Variants in ADCY5 observed in about 807,000 individuals in gnomAD.
ADCY5 encodes adenylate cyclase type 5.
A neutral mutation model predicts 119.7 loss-of-function variants in ADCY5; 30 were observed. The ratio of observed to expected loss-of-function variants is 0.25; its 90% CI spans 0.19 to 0.34. The LOEUF (loss-of-function observed/expected upper bound fraction) is 0.34, where lower values mean the gene tolerates loss of function less well. ADCY5 is among the 10% of genes least tolerant of loss of function. The pLI is 1.00. For missense variants in ADCY5, 1,324 were observed against 1,775.2 expected, an observed-to-expected ratio of 0.75 and a Z score of 4.57; for synonymous variants, 753 against 762.2, an observed-to-expected ratio of 0.99 and a Z score of 0.20.
intron 4 of ADCY5, among the ~76,000 whole-genome samples, 161 bp downstream of exon 4, chr3:123,332,403 C>T (rs1456554699): frequency 1.3e-5 from 2 of 152,252 alleles, no homozygotes; most frequent in African/African-American, 2.4e-5. Flanking sequence ...AGGACACAGC[C>T]GCAGCCTAAG....
At chr3:123,347,465 A>G (rs887794311) in intron 3 of ADCY5, among the ~76,000 whole-genome samples, 10 of 151,856 alleles carry the variant, frequency 6.6e-5, no homozygotes, top group African/African-American at 2.2e-4. Context: ...TATGCTTTCC[A>G]TCTCTCTTGG....
chr3:123,328,536 C>T, intron 6 of ADCY5, 108 bp downstream of exon 6: 1 of 1,367,284 alleles, frequency 7.3e-7, no homozygotes, highest in East Asian at 2.3e-5. Flanking sequence ...TGCTGCCCAT[C>T]CTGCCCACCC....
At chr3:123,389,516 A>G (rs1471956173) in intron 1 of ADCY5, among the ~76,000 whole-genome samples, 1 of 151,912 alleles carries the variant, frequency 6.6e-6, no homozygotes, top group South Asian at 2.1e-4. Context: ...AAGCACCCCC[A>G]CACCCCTGCT....
chr3:123,311,618 A>G (rs920323946), intron 12 of ADCY5, among the ~76,000 whole-genome samples: 1 of 152,306 alleles, frequency 6.6e-6, no homozygotes, highest in Admixed American at 6.5e-5. Flanking sequence ...AGGCCAGGAG[A>G]GGAGGCGGCG....
chr3:123,286,673 T>C lies in ADCY5; in HGVS notation c.3657+12A>G, dbSNP rs1165278051. 2 of 1,602,944 alleles carry C rather than the reference T, an allele frequency of 1.2e-6. No individual in the cohort carries two copies. Among genetic ancestry groups the C allele is most frequent in the African/African-American group, 2.7e-5 (2 of 74,674 alleles). ...CCATGGGGTGAGGGGTGGTGGATGCTCCTGCACTCACCTGGATGCGGTCGG... is the reference window on the plus strand; with the variant it reads ...CCATGGGGTGAGGGGTGGTGGATGCCCCTGCACTCACCTGGATGCGGTCGG... On this transcript the variant is annotated intron_variant, in intron 20 of 20. Coordinates refer to ENST00000462833, the MANE Select transcript of ADCY5 (RefSeq NM_183357.3). This position sits in a 1 kb window ranked among gnomAD's most constrained non-coding sequence, Gnocchi z 4.2.
intron 19 of ADCY5, 39 bp downstream of exon 19, chr3:123,289,711 C>G (rs753983302): frequency 6.2e-7 from 1 of 1,606,622 alleles, no homozygotes; most frequent in African/African-American, 1.3e-5. Flanking sequence ...CTCTGCCTGA[C>G]TGCACCCTGG....
At chr3:123,386,156 C>T (rs1944214853) in intron 1 of ADCY5, among the ~76,000 whole-genome samples, 1 of 152,224 alleles carries the variant, frequency 6.6e-6, no homozygotes, top group Non-Finnish European at 1.5e-5. Flanking sequence ...GAGCCCGAAG[C>T]AGCTCAGCTT....
chr3:123,421,532 C>T (rs948754694), intron 1 of ADCY5, among the ~76,000 whole-genome samples: 1 of 152,144 alleles, frequency 6.6e-6, no homozygotes, highest in African/African-American at 2.4e-5. Context: ...TCCACTATGA[C>T]CATCAGATTG....
intron 12 of ADCY5, among the ~76,000 whole-genome samples, chr3:123,310,679 G>C (rs770718936): frequency 6.6e-6 from 1 of 152,202 alleles, no homozygotes; most frequent in Non-Finnish European, 1.5e-5. Context: ...GGTTGGGTTC[G>C]TGCAGATGTG....
intron 1 of ADCY5, among the ~76,000 whole-genome samples, chr3:123,435,521 C>A (rs1478701686): frequency 6.6e-6 from 1 of 152,082 alleles, no homozygotes; most frequent in Non-Finnish European, 1.5e-5. Context: ...GCTGGCAGGC[C>A]CTTTAGTCAG....
At chr3:123,354,578 A>T (rs191275780) in intron 1 of ADCY5, among the ~76,000 whole-genome samples, 1 of 152,182 alleles carries the variant, frequency 6.6e-6, no homozygotes. Flanking sequence ...GAGGAAGTGA[A>T]GGCTGAGGGG....
chr3:123,448,155 G>A lies in ADCY5; in HGVS notation c.391C>T (p.Pro131Ser), dbSNP rs1458876352. ...GAASGGSTRA[P>S]PAGGGGGSAA... ...GAGCCGCCGCCGCCGCCCGCAGGGG[G>A]CGCCCGGGTGCTGCCCCCGCTGGCC... The change falls in exon 1 of 21, where the codon CCC becomes TCC. Residue 131 changes from proline (P) to serine (S), a missense_variant. Coordinates refer to ENST00000462833, the MANE Select transcript of ADCY5 (RefSeq NM_183357.3). The A allele has an allele frequency of 9.5e-6, 10 of 1,047,914 alleles. No homozygotes were observed. Among genetic ancestry groups the A allele is most frequent in the East Asian group, 7.7e-5 (1 of 13,058 alleles). 64.9% of individuals were successfully genotyped at this position (1,047,914 alleles called of 1,614,324 possible). A position where few individuals can be genotyped will look rare whatever the true frequency, so the allele number is the denominator to read the frequency against.
At chr3:123,409,121 G>A (rs1944981697) in intron 1 of ADCY5, among the ~76,000 whole-genome samples, 2 of 152,192 alleles carry the variant, frequency 1.3e-5, no homozygotes, top group Admixed American at 1.3e-4. Context: ...TATCTATACA[G>A]GCAGCCAGGC....
At chr3:123,305,631 T>C (rs1485439100) in intron 12 of ADCY5, among the ~76,000 whole-genome samples, 1 of 145,312 alleles carries the variant, frequency 6.9e-6, no homozygotes, top group Non-Finnish European at 1.5e-5. Flanking sequence ...CCCAGGAGTC[T>C]TGTGTCTTCT....
intron 1 of ADCY5, among the ~76,000 whole-genome samples, chr3:123,387,553 AAGGCCGCAG>A (rs1259239702): frequency 6.6e-6 from 1 of 152,212 alleles, no homozygotes; most frequent in Non-Finnish European, 1.5e-5. Context: ...ACAAATCTAC[AAGGCCGCAG>A]AGAAGCTCAT....
At chr3:123,310,849 G>T (rs546763655) in intron 12 of ADCY5, among the ~76,000 whole-genome samples, 27 of 152,224 alleles carry the variant, frequency 1.8e-4, no homozygotes, top group African/African-American at 6.5e-4. Context: ...AGTTAGCCCC[G>T]CTGAGAAATC....
chr3:123,337,254 G>A (rs768301628), intron 3 of ADCY5, among the ~76,000 whole-genome samples: 3 of 152,064 alleles, frequency 2.0e-5, no homozygotes, highest in African/African-American at 4.8e-5. Flanking sequence ...TCACGGCTAC[G>A]ACCCAGCCCT....
intron 1 of ADCY5, among the ~76,000 whole-genome samples, chr3:123,353,919 TTC>T (rs1272567154): frequency 6.6e-6 from 1 of 152,116 alleles, no homozygotes; most frequent in Non-Finnish European, 1.5e-5. Context: ...CATGAAGACT[TTC>T]TCTTTCCTAT....
At chr3:123,285,439 T>TG (rs112057301) in intron 20 of ADCY5, among the ~76,000 whole-genome samples, 8,948 of 152,122 alleles carry the variant, frequency 0.059, 845 homozygotes, top group African/African-American at 0.2. Context: ...AGAAGAGTGG[T>TG]GGGGACAGAT....
Sources: allele counts gnomAD v4.1 joint callset (sites outside exome capture counted in the v4.1 genomes callset), GRCh38; gene constraint gnomAD v4.1.1; non-coding constraint Gnocchi (gnomAD v3.1); transcripts MANE v1.5; gene names NCBI Gene and HGNC (gene_info 2026-07-23, HGNC 2026-07-21).